Variants in CPS1 observed in about 807,000 individuals in gnomAD.
CPS1 encodes carbamoyl-phosphate synthase 1, also known as carbamoyl-phosphate synthase [ammonia], mitochondrial.
In CPS1, 109 loss-of-function variants were observed where a neutral mutation model predicts 174.6. The ratio of observed to expected loss-of-function variants is 0.62; its 90% CI spans 0.53 to 0.73. The LOEUF is 0.73. Ranked by LOEUF, CPS1 falls within the 30% of genes least tolerant of loss-of-function variation. The probability of loss-of-function intolerance (pLI) is 0.00; values close to 1 mark genes in which losing one functional copy is unlikely to be tolerated. For missense variants in CPS1, 1,689 were observed against 1,821.9 expected, an observed-to-expected ratio of 0.93 and a Z score of 1.33; for synonymous variants, 637 against 632.0, an observed-to-expected ratio of 1.01 and a Z score of -0.12.
intron 1 of CPS1, among the ~76,000 whole-genome samples, chr2:210,506,298 C>T (rs1239356392): frequency 1.3e-5 from 2 of 152,150 alleles, no homozygotes; most frequent in African/African-American, 4.8e-5. Context: ...CTCCAGCAAA[C>T]TCCAACAGAC....
At chr2:210,535,533 C>G (rs1178824433) in intron 1 of CPS1, among the ~76,000 whole-genome samples, 1 of 152,070 alleles carries the variant, frequency 6.6e-6, no homozygotes, top group Non-Finnish European at 1.5e-5. Context: ...CACAATAATA[C>G]CAGAAAGCCT....
At chr2:210,677,852 A>C in intron 37 of CPS1, 35 bp from the exon 38 acceptor site, 1 of 1,470,348 alleles carries the variant, frequency 6.8e-7, no homozygotes, top group Non-Finnish European at 9.5e-7. Context: ...CTTTTATCTC[A>C]TGGAGGGTGC....
At position 210,513,119 on chromosome 2, in the gene CPS1, G is replaced by GAT. The variant is rs1482449635; in HGVS notation, c.3+35364_3+35365dup. On this transcript the variant is annotated intron_variant, in intron 1 of 38. Coordinates refer to the CPS1 transcript ENST00000430249. ...ATATATATGGGGATATATATATGGAGATATATATATATGGAGATATATATA... is the reference window on the plus strand; with the variant it reads ...ATATATATGGGGATATATATATGGAGATATATATATATATGGAGATATATATA... Among the ~76,000 whole-genome samples, 9 of 118,460 alleles carry GAT rather than the reference G, an allele frequency of 7.6e-5. 1 individual carries two copies. The highest frequency in any genetic ancestry group is 2.1e-4 in the African/African-American group (7 of 33,658). 77.7% of individuals were successfully genotyped at this position (118,460 alleles called of 152,430 possible). A position where few individuals can be genotyped will look rare whatever the true frequency, so the allele number is the denominator to read the frequency against.
rs1695349401 is a variant in CPS1, at chr2:210,508,379, G to C, written c.3+30613G>C. Reference sequence around the variant, plus strand: ...GAATCTCTGGGACACATTCAAAGCAGTGTGTAGAGGGAAATTTATAGCACT... The same window carrying C: ...GAATCTCTGGGACACATTCAAAGCACTGTGTAGAGGGAAATTTATAGCACT... On this transcript the variant is annotated intron_variant, in intron 1 of 38. Transcript: ENST00000430249. Among the ~76,000 whole-genome samples the C allele has an allele frequency of 2.6e-5, 4 of 151,658 alleles. No homozygotes were observed. The South Asian group carries it at 8.3e-4, about 32-fold the overall frequency.
chr2:210,591,771 C>A (rs1698307784), intron 9 of CPS1, 60 bp from the exon 10 acceptor site: 5 of 1,558,254 alleles, frequency 3.2e-6, no homozygotes, highest in Non-Finnish European at 4.4e-6. Context: ...ATAAGGAATA[C>A]ATTTATATTA....
intron 16 of CPS1, among the ~76,000 whole-genome samples, chr2:210,603,236 A>G (rs868274025): frequency 6.6e-6 from 1 of 151,916 alleles, no homozygotes; most frequent in African/African-American, 2.4e-5. Flanking sequence ...TATTTAGGAA[A>G]TAGCTCACGG....
intron 13 of CPS1, among the ~76,000 whole-genome samples, chr2:210,599,008 T>G (rs1698605315): frequency 6.6e-6 from 1 of 151,928 alleles, no homozygotes; most frequent in Non-Finnish European, 1.5e-5. Flanking sequence ...ATTTACTAAT[T>G]TAAAATTTTT....
chr2:210,672,448 T>G (rs1162613209), intron 34 of CPS1: 2 of 152,162 alleles, frequency 1.3e-5, no homozygotes, highest in African/African-American at 4.8e-5. Flanking sequence ...TAGGGGTATT[T>G]AACAACATTT....
At chr2:210,633,852 T>C (rs977496480) in intron 21 of CPS1, among the ~76,000 whole-genome samples, 3 of 152,216 alleles carry the variant, frequency 2.0e-5, no homozygotes, top group African/African-American at 2.4e-5. Context: ...CCCGCACTTA[T>C]GGTGCTGCCG....
intron 1 of CPS1, among the ~76,000 whole-genome samples, chr2:210,560,672 T>A (rs1334097860): frequency 1.3e-5 from 2 of 152,202 alleles, no homozygotes; most frequent in African/African-American, 2.4e-5. Context: ...GAAGTATCTA[T>A]TTAGTTCCGT....
intron 4 of CPS1, among the ~76,000 whole-genome samples, chr2:210,578,762 T>G (rs1697798308): frequency 6.6e-6 from 1 of 152,204 alleles, no homozygotes; most frequent in Non-Finnish European, 1.5e-5. Flanking sequence ...GAATTTATCT[T>G]CCTTATCCAG....
At chr2:210,492,011 C>T (rs1694888302) in intron 1 of CPS1, among the ~76,000 whole-genome samples, 1 of 152,144 alleles carries the variant, frequency 6.6e-6, no homozygotes. Flanking sequence ...GCTAGATAAC[C>T]AGGAACCTGG....
intron 34 of CPS1, chr2:210,672,341 G>A (rs533181007): frequency 6.6e-6 from 1 of 152,302 alleles, no homozygotes; most frequent in Admixed American, 6.5e-5. Flanking sequence ...CAATTAGCAA[G>A]TGTTGGAGAT....
chr2:210,577,656 A>G, intron 4 of CPS1, 146 bp downstream of exon 4: 1 of 738,304 alleles, frequency 1.4e-6, no homozygotes, highest in Non-Finnish European at 2.5e-6. Flanking sequence ...TACTACATAA[A>G]GGCTGAAATG....
intron 34 of CPS1, among the ~76,000 whole-genome samples, chr2:210,671,424 A>C (rs1701298530): frequency 6.6e-6 from 1 of 152,212 alleles, no homozygotes. Context: ...TTCTGTAGCC[A>C]GGAGTTGGAT....
intron 21 of CPS1, among the ~76,000 whole-genome samples, chr2:210,632,145 T>G (rs891280717): frequency 6.6e-6 from 1 of 152,194 alleles, no homozygotes; most frequent in African/African-American, 2.4e-5. Flanking sequence ...AATAAAAATG[T>G]TATAGCCTTG....
chr2:210,496,614 A>C (rs1041874963), intron 1 of CPS1, among the ~76,000 whole-genome samples: 1 of 152,158 alleles, frequency 6.6e-6, no homozygotes, highest in Non-Finnish European at 1.5e-5. Flanking sequence ...TGAGATGAGA[A>C]GGCATCAGAG....
intron 1 of CPS1, among the ~76,000 whole-genome samples, chr2:210,517,956 A>G (rs528255353): frequency 6.6e-6 from 1 of 152,126 alleles, no homozygotes; most frequent in East Asian, 1.9e-4. Flanking sequence ...GCCATTATAC[A>G]TGCTATCTAT....
intron 1 of CPS1, among the ~76,000 whole-genome samples, chr2:210,521,560 G>T (rs1695827062): frequency 6.6e-6 from 1 of 151,768 alleles, no homozygotes; most frequent in Non-Finnish European, 1.5e-5. Context: ...AGTTTCCATT[G>T]CTATGTGTTT....
Sources: gnomAD v4.1 joint callset for allele counts (sites outside exome capture counted in the v4.1 genomes callset) on GRCh38, gnomAD v4.1.1 for gene constraint, MANE v1.5 for transcripts, NCBI Gene and HGNC (gene_info 2026-07-23, HGNC 2026-07-21) for gene names.